Variants in DENND5A observed in about 807,000 individuals in gnomAD.
DENND5A encodes the protein DENN domain containing 5A.
In DENND5A, 64 loss-of-function variants were observed where a neutral mutation model predicts 140.3. That is an observed-to-expected ratio of 0.46 (90% confidence interval 0.37 to 0.56). DENND5A has a LOEUF of 0.56. Ranked by LOEUF, DENND5A falls within the 20% of genes least tolerant of loss-of-function variation. The probability of loss-of-function intolerance (pLI) is 0.00; values close to 1 mark genes in which losing one functional copy is unlikely to be tolerated. For missense variants in DENND5A, 1,292 were observed against 1,593.8 expected (o/e 0.81, Z 3.22); for synonymous variants, 605 against 607.7 (o/e 1.00, Z 0.07).
At chr11:9,202,315 T>C (rs1467877743) in intron 4 of DENND5A, among the ~76,000 whole-genome samples, 1 of 152,194 alleles carries the variant, frequency 6.6e-6, no homozygotes, top group Non-Finnish European at 1.5e-5. Flanking sequence ...TAATATAGTA[T>C]TGTCTCAATG....
At chr11:9,217,674 G>A (rs1009131922) in intron 1 of DENND5A, among the ~76,000 whole-genome samples, 2 of 152,092 alleles carry the variant, frequency 1.3e-5, no homozygotes, top group African/African-American at 2.4e-5. Context: ...TTATGGTAAC[G>A]ATTGCACAAC....
chr11:9,169,306 G>A (rs893058377), intron 10 of DENND5A, among the ~76,000 whole-genome samples: 3 of 151,872 alleles, frequency 2.0e-5, no homozygotes, highest in African/African-American at 4.8e-5. Context: ...AATTATCTGC[G>A]CGTTGAGGTG....
intron 12 of DENND5A, among the ~76,000 whole-genome samples, chr11:9,157,437 T>A (rs1847846950): frequency 6.6e-6 from 1 of 152,194 alleles, no homozygotes. Flanking sequence ...ATTCATGTAA[T>A]AAGCCTCGTA....
intron 8 of DENND5A, 88 bp downstream of exon 8, chr11:9,178,043 CA>C (rs1220067203): frequency 3.3e-6 from 3 of 922,746 alleles, no homozygotes; most frequent in Non-Finnish European, 3.6e-6. Context: ...AAGGCAGAAA[CA>C]GATAAAGAGG....
intron 5 of DENND5A, among the ~76,000 whole-genome samples, chr11:9,185,905 T>A (rs928330825): frequency 2.6e-5 from 4 of 152,120 alleles, no homozygotes; most frequent in African/African-American, 7.2e-5. Context: ...TCTGTGCATG[T>A]GTGTCTATTG....
chr11:9,150,383 T>C (rs1847575890), intron 14 of DENND5A, among the ~76,000 whole-genome samples, 174 bp from the exon 15 acceptor site: 1 of 152,120 alleles, frequency 6.6e-6, no homozygotes, highest in Non-Finnish European at 1.5e-5. Context: ...CCAGATAGGC[T>C]CACCATATTT....
chr11:9,187,476 G>A (rs572185556), intron 5 of DENND5A, among the ~76,000 whole-genome samples: 31 of 152,234 alleles, frequency 2.0e-4, no homozygotes, highest in African/African-American at 7.0e-4. Context: ...TCCGCTCAAG[G>A]TCACAATGAT....
At chr11:9,198,025 T>C (rs1241329960) in intron 4 of DENND5A, among the ~76,000 whole-genome samples, 1 of 152,196 alleles carries the variant, frequency 6.6e-6, no homozygotes, top group Non-Finnish European at 1.5e-5. Flanking sequence ...CACTCATTTG[T>C]TCCCAAACCT....
At chr11:9,194,650 G>A (rs1193289304) in intron 4 of DENND5A, among the ~76,000 whole-genome samples, 1 of 151,774 alleles carries the variant, frequency 6.6e-6, no homozygotes, top group African/African-American at 2.4e-5. Context: ...TTATAGGTCA[G>A]AGATCATAGC....
chr11:9,258,398 T>C (rs1034519965), intron 1 of DENND5A, among the ~76,000 whole-genome samples: 4 of 151,962 alleles, frequency 2.6e-5, no homozygotes, highest in African/African-American at 9.7e-5. Context: ...GTTCTTGTGA[T>C]AGTTTGCTGA....
intron 8 of DENND5A, among the ~76,000 whole-genome samples, chr11:9,172,698 C>T (rs530630208): frequency 5.9e-5 from 9 of 152,276 alleles, no homozygotes; most frequent in South Asian, 2.1e-4. Context: ...CCCAGCCATG[C>T]GGAACTGAGT....
chr11:9,203,856 C>G lies in DENND5A; in HGVS notation c.753G>C (p.Val251=). 6.2e-7 allele frequency: 1 copy of G among 1,614,144 alleles called. No individual in the cohort carries two copies. Among genetic ancestry groups the G allele is most frequent in the Non-Finnish European group, 8.5e-7 (1 of 1,180,018 alleles). The change falls in exon 4 of 23, where the codon GTG becomes GTC. Residue 251 remains valine, a synonymous_variant. Transcript: ENST00000328194. ...ESYIYNVLYE[V]PLPPPGRSLK... Reference sequence around the variant, plus strand: ...AGGACCGGCCAGGAGGTGGGAGCGGCACCTCGTAGAGTACGTTGTATATGT... The same window carrying G: ...AGGACCGGCCAGGAGGTGGGAGCGGGACCTCGTAGAGTACGTTGTATATGT...
At chr11:9,236,890 A>C (rs1851026369) in intron 1 of DENND5A, among the ~76,000 whole-genome samples, 1 of 152,190 alleles carries the variant, frequency 6.6e-6, no homozygotes, top group Non-Finnish European at 1.5e-5. Context: ...ACTATGTTTG[A>C]AGTTTTGATA....
At chr11:9,203,007 C>T (rs928698843) in intron 4 of DENND5A, among the ~76,000 whole-genome samples, 1 of 152,026 alleles carries the variant, frequency 6.6e-6, no homozygotes, top group Non-Finnish European at 1.5e-5. Flanking sequence ...ATTTAAGTTC[C>T]ACTATAGCAA....
intron 16 of DENND5A, 139 bp from the exon 17 acceptor site, chr11:9,145,954 G>A: frequency 2.2e-6 from 2 of 912,230 alleles, no homozygotes; most frequent in South Asian, 1.6e-5. Flanking sequence ...TGGAACAAGA[G>A]GGCCCCAGGA....
chr11:9,207,915 C>T (rs574179977), intron 1 of DENND5A, among the ~76,000 whole-genome samples: 1 of 152,118 alleles, frequency 6.6e-6, no homozygotes, highest in Admixed American at 6.6e-5. Flanking sequence ...CATTATAATA[C>T]GGTATAGTAG....
At position 9,143,382 on chromosome 11, in the gene DENND5A, T is replaced by C. The variant is rs768442534; in HGVS notation, c.3387+21A>G. On this transcript the variant is annotated intron_variant, in intron 20 of 22. Coordinates refer to ENST00000328194, the MANE Select transcript of DENND5A (RefSeq NM_015213.4). ...CTCTTATTCAATGTAAGGCCCTGGA[T>C]TGGAGGGCAGGAAGGCTCACCTCTT... 17 of 1,598,114 alleles carry C rather than the reference T, an allele frequency of 1.1e-5. No homozygotes were observed. The East Asian group carries it at 1.8e-4, about 17-fold the overall frequency.
chr11:9,256,012 C>G (rs1159417442), intron 1 of DENND5A, among the ~76,000 whole-genome samples: 2 of 138,408 alleles, frequency 1.4e-5, no homozygotes, highest in Non-Finnish European at 3.1e-5. Flanking sequence ...AGCAACACGG[C>G]GAAACTCCAT....
intron 1 of DENND5A, 34 bp downstream of exon 1, chr11:9,264,927 G>A (rs1422514026): frequency 2.0e-6 from 3 of 1,495,790 alleles, no homozygotes; most frequent in South Asian, 1.2e-5. Context: ...GACAGCGGGC[G>A]CGGGAAAGCG....
Sources: gnomAD v4.1 joint callset for allele counts (sites outside exome capture counted in the v4.1 genomes callset) on GRCh38, gnomAD v4.1.1 for gene constraint, MANE v1.5 for transcripts, NCBI Gene and HGNC (gene_info 2026-07-23, HGNC 2026-07-21) for gene names.